CADM2: variants seen among roughly 807,000 people sequenced by gnomAD.
CADM2 encodes the protein immunoglobulin superfamily member 4D.
A neutral mutation model predicts 49.8 loss-of-function variants in CADM2; 12 were observed. The ratio of observed to expected loss-of-function variants is 0.24; its 90% confidence interval spans 0.15 to 0.39. The LOEUF is 0.39. Among genes scored for constraint, CADM2 ranks in the 10% least tolerant of loss-of-function variants. CADM2 has a pLI of 1.00. For missense variants in CADM2, 378 were observed against 492.3 expected (o/e 0.77, Z 2.20); for synonymous variants, 214 against 175.4 (o/e 1.22, Z -1.74).
chr3:85,801,862 A>G (rs113594697), intron 2 of CADM2, among the ~76,000 whole-genome samples, 185 bp from the exon 3 acceptor site: 1 of 152,152 alleles, frequency 6.6e-6, no homozygotes, highest in Non-Finnish European at 1.5e-5. Context: ...TCTTAATTAT[A>G]TGTCAATGCT....
intron 3 of CADM2, among the ~76,000 whole-genome samples, chr3:85,855,000 C>T (rs2075253687): frequency 1.3e-5 from 2 of 152,092 alleles, no homozygotes; most frequent in African/African-American, 2.4e-5. Context: ...CCACCTTATG[C>T]CCACAGGAAT....
At chr3:85,796,169 G>T (rs904147661) in intron 2 of CADM2, among the ~76,000 whole-genome samples, 4 of 152,112 alleles carry the variant, frequency 2.6e-5, no homozygotes, top group African/African-American at 9.7e-5. Context: ...ATTAGCAATT[G>T]CGTGCTTTTT....
intron 3 of CADM2, among the ~76,000 whole-genome samples, chr3:85,868,146 G>C (rs2075791759): frequency 6.6e-6 from 1 of 151,880 alleles, no homozygotes. Context: ...CAAGAAAAGA[G>C]TCCCAAATTT....
chr3:85,417,954 C>T (rs1186321972), intron 1 of CADM2, among the ~76,000 whole-genome samples: 1 of 152,090 alleles, frequency 6.6e-6, no homozygotes, highest in Non-Finnish European at 1.5e-5. Flanking sequence ...ATCAATGTTG[C>T]TGGTTCCTTA....
chr3:85,770,968 A>G (rs761808868), intron 2 of CADM2, among the ~76,000 whole-genome samples: 3 of 152,170 alleles, frequency 2.0e-5, no homozygotes, highest in African/African-American at 2.4e-5. Flanking sequence ...TCTGTGATAC[A>G]TGTCATGATA....
chr3:85,699,974 C>G (rs143338751), intron 1 of CADM2, among the ~76,000 whole-genome samples: 1 of 152,136 alleles, frequency 6.6e-6, no homozygotes, highest in African/African-American at 2.4e-5. Context: ...ACCCAGCAAT[C>G]CCATTACTGG....
chr3:85,006,926 G>A (rs1479322452), intron 1 of CADM2, among the ~76,000 whole-genome samples: 3 of 151,864 alleles, frequency 2.0e-5, no homozygotes, highest in African/African-American at 4.8e-5. Flanking sequence ...TTATACATTC[G>A]TGCATTGATT....
chr3:85,175,125 A>G (rs912937067), intron 1 of CADM2, among the ~76,000 whole-genome samples: 3 of 152,204 alleles, frequency 2.0e-5, no homozygotes, highest in African/African-American at 7.2e-5. Flanking sequence ...TACATAACAA[A>G]TGAACACAAT....
chr3:85,712,401 C>G (rs1242410610), intron 1 of CADM2, among the ~76,000 whole-genome samples: 2 of 152,174 alleles, frequency 1.3e-5, no homozygotes, highest in African/African-American at 4.8e-5. Flanking sequence ...GCCATCCCCT[C>G]TACCCTTTGT....
chr3:85,514,716 T>G (rs1347011214), intron 1 of CADM2, among the ~76,000 whole-genome samples: 3 of 152,114 alleles, frequency 2.0e-5, no homozygotes, highest in African/African-American at 7.2e-5. Context: ...TAAAGGGACA[T>G]TCTTAATTGC....
chr3:85,519,692 C>T (rs2060987477), intron 1 of CADM2, among the ~76,000 whole-genome samples: 1 of 152,038 alleles, frequency 6.6e-6, no homozygotes, highest in South Asian at 2.1e-4. Context: ...GGACTGTAAG[C>T]TAATGACTAC....
chr3:85,318,394 G>GA (rs545866154), intron 1 of CADM2, among the ~76,000 whole-genome samples: 88 of 151,906 alleles, frequency 5.8e-4, no homozygotes, highest in African/African-American at 1.6e-3. Context: ...TGGACAAACA[G>GA]AAAAAATATA....
At chr3:84,993,881 G>A (rs1304876953) in intron 1 of CADM2, among the ~76,000 whole-genome samples, 2 of 152,016 alleles carry the variant, frequency 1.3e-5, no homozygotes, top group African/African-American at 2.4e-5. Context: ...CAAAATTAAG[G>A]TTAAAATTCT....
intron 1 of CADM2, among the ~76,000 whole-genome samples, chr3:85,013,381 CAGTAG>C (rs1304820374): frequency 6.6e-6 from 1 of 151,678 alleles, no homozygotes; most frequent in Non-Finnish European, 1.5e-5. Flanking sequence ...TTTTGAGAAA[CAGTAG>C]AGTAAATTGA....
intron 1 of CADM2, among the ~76,000 whole-genome samples, chr3:85,345,364 T>TAAAAATGGA (rs1007470020): frequency 8.3e-5 from 7 of 83,916 alleles, no homozygotes; most frequent in Non-Finnish European, 1.4e-4. Context: ...GAATCAAAAA[T>TAAAAATGGA]AAAAATGGAA....
At chr3:85,425,081 A>G (rs972014436) in intron 1 of CADM2, among the ~76,000 whole-genome samples, 2 of 152,236 alleles carry the variant, frequency 1.3e-5, no homozygotes, top group Non-Finnish European at 2.9e-5. Flanking sequence ...TTATTACGAT[A>G]TAAATGAAAG....
chr3:85,999,645 GA>G (rs1266301590), intron 8 of CADM2, among the ~76,000 whole-genome samples: 1 of 149,404 alleles, frequency 6.7e-6, no homozygotes, highest in Non-Finnish European at 1.5e-5. Flanking sequence ...AAGAAAGAAA[GA>G]AAGGAAAGAA....
At chr3:86,027,888 T>C (rs1374511181) in intron 8 of CADM2, 30 of 151,900 alleles carry the variant, frequency 2.0e-4, no homozygotes, top group Non-Finnish European at 1.5e-5. Flanking sequence ...ACTTACCTGT[T>C]TTCTCAGGAA....
intron 1 of CADM2, among the ~76,000 whole-genome samples, chr3:85,483,955 A>G (rs1206404612): frequency 6.6e-6 from 1 of 151,696 alleles, no homozygotes; most frequent in African/African-American, 2.4e-5. Flanking sequence ...CTACCTTCTT[A>G]CTGTTTAGGT....
Sources: allele counts gnomAD v4.1 joint callset (sites outside exome capture counted in the v4.1 genomes callset), GRCh38; gene constraint gnomAD v4.1.1; transcripts MANE v1.5; gene names NCBI Gene and HGNC (gene_info 2026-07-23, HGNC 2026-07-21).